NXN: variants seen among roughly 807,000 people sequenced by gnomAD.
The protein encoded by NXN is nucleoredoxin 1.
NXN carries 16 observed loss-of-function variants against 48.6 expected under a neutral mutation model. The observed-to-expected ratio is 0.33, with a 90% CI of 0.22 to 0.50. The LOEUF is 0.50. NXN is among the 20% of genes least tolerant of loss of function. The pLI, the probability that NXN is intolerant of heterozygous loss-of-function variation, is 0.98. For missense variants in NXN, 492 were observed against 605.5 expected, an observed-to-expected ratio of 0.81 and a Z score of 1.97; for synonymous variants, 281 against 269.6, an observed-to-expected ratio of 1.04 and a Z score of -0.41.
At chr17:979,110 G>GGC (rs2069500341) in intron 1 of NXN, among the ~76,000 whole-genome samples, 2 of 21,144 alleles carry the variant, frequency 9.5e-5, no homozygotes, top group South Asian at 2.2e-3. Flanking sequence ...AGCGCGGAAG[G>GGC]GGGGGGGGCA....
At chr17:929,112 C>T (rs2068828821) in intron 1 of NXN, among the ~76,000 whole-genome samples, 2 of 152,186 alleles carry the variant, frequency 1.3e-5, no homozygotes, top group African/African-American at 4.8e-5. Flanking sequence ...TAACTAGCTT[C>T]ACATAAAAAC....
At chr17:947,995 G>C (rs1033163824) in intron 1 of NXN, among the ~76,000 whole-genome samples, 1 of 151,908 alleles carries the variant, frequency 6.6e-6, no homozygotes, top group Non-Finnish European at 1.5e-5. Flanking sequence ...AGGTTGCAGT[G>C]AGCAGAGATG....
intron 1 of NXN, among the ~76,000 whole-genome samples, chr17:860,946 T>G (rs1350036836): frequency 6.6e-6 from 1 of 152,204 alleles, no homozygotes; most frequent in Non-Finnish European, 1.5e-5. Context: ...AAAGAAAGTT[T>G]GAACTTGACT....
At chr17:828,443 C>G (rs932052397) in intron 1 of NXN, among the ~76,000 whole-genome samples, 1 of 147,488 alleles carries the variant, frequency 6.8e-6, no homozygotes, top group Admixed American at 6.9e-5. Context: ...ACTCTGTCAC[C>G]CAGGCTAGAG....
In NXN at chr17:979,772, A is replaced by T; in HGVS notation, c.-94T>A. ...GCGGCGTCGGCGGCAGGCGCTGGGG[A>T]GAGCAGAGCCCGGCCCAGTAGGGCC... On this transcript the variant is annotated 5_prime_UTR_variant, in exon 1 of 8. Transcript: ENST00000336868. The T allele has an allele frequency of 9.3e-7, 1 of 1,080,350 alleles. No homozygotes were observed. The highest frequency in any genetic ancestry group is 3.0e-5 in the South Asian group (1 of 33,566). 66.9% of individuals were successfully genotyped at this position (1,080,350 alleles called of 1,614,324 possible). A position where few individuals can be genotyped will look rare whatever the true frequency, so the allele number is the denominator to read the frequency against.
chr17:869,999 G>A (rs892054483), intron 1 of NXN, among the ~76,000 whole-genome samples: 12 of 152,242 alleles, frequency 7.9e-5, no homozygotes, highest in Middle Eastern at 3.4e-3. Flanking sequence ...TGCTTCCCAC[G>A]GGCCATTTAG....
chr17:970,645 T>C (rs2069364494), intron 1 of NXN, among the ~76,000 whole-genome samples: 1 of 152,100 alleles, frequency 6.6e-6, no homozygotes, highest in South Asian at 2.1e-4. Flanking sequence ...TGCGGAACGT[T>C]TGATGTGAGT....
At chr17:829,871 T>C (rs1006830194) in intron 1 of NXN, among the ~76,000 whole-genome samples, 7 of 152,218 alleles carry the variant, frequency 4.6e-5, no homozygotes, top group Admixed American at 1.3e-4. Context: ...CAGTCTATCA[T>C]TGATGGGCAT....
intron 1 of NXN, among the ~76,000 whole-genome samples, chr17:936,304 T>C (rs1025557057): frequency 1.3e-5 from 2 of 152,042 alleles, no homozygotes. Flanking sequence ...CCTTTGGTTT[T>C]GCTTTGTGTT....
intron 1 of NXN, among the ~76,000 whole-genome samples, chr17:939,727 G>A (rs368889949): frequency 5.8e-4 from 89 of 152,290 alleles, no homozygotes; most frequent in African/African-American, 2.0e-3. Flanking sequence ...ACACACGTAC[G>A]TGCCTACATA....
rs2586285 is a variant in NXN at position 958,718 on chromosome 17, T to C, written c.360+20601A>G. On this transcript the variant is annotated intron_variant, in intron 1 of 7. Coordinates refer to ENST00000336868, the MANE Select transcript of NXN (RefSeq NM_022463.5). This position sits in a 1 kb window ranked among gnomAD's most constrained non-coding sequence, Gnocchi z 6.9. The stretch of plus-strand genomic sequence containing the variant: ...CGGAGGTAGAAGTGAGCCCAGATTG[T>C]GCCACTGAACTCCAGCACAGGCGAC... 0.85 allele frequency among the ~76,000 whole-genome samples: 129,523 copies of C among 151,838 alleles called. 57,615 individuals are homozygous for C. Among genetic ancestry groups the C allele is most frequent in the Non-Finnish European group, 0.97 (66,020 of 67,968 alleles).
chr17:810,293 C>CGTTACAAGTCTGTGAGTGGTGTGCAT (rs1911901495), intron 5 of NXN, among the ~76,000 whole-genome samples: 1 of 83,766 alleles, frequency 1.2e-5, no homozygotes. Context: ...GTGGCGTGCA[C>CGTTACAAGTCTGTGAGTGGTGTGCAT]GTTACGAGTC....
intron 1 of NXN, among the ~76,000 whole-genome samples, chr17:935,961 G>A (rs1408921131): frequency 1.3e-5 from 2 of 152,048 alleles, no homozygotes; most frequent in Admixed American, 1.3e-4. Flanking sequence ...ATGTGGTGGT[G>A]CATGCTTGTA....
rs1425645521 is a variant in NXN, at chr17:849,762, C to T, written c.361-23684G>A. Among the ~76,000 whole-genome samples the T allele has an allele frequency of 6.6e-6, 1 of 152,140 alleles. No individual in the cohort carries two copies. The highest frequency in any genetic ancestry group is 2.4e-5 in the African/African-American group (1 of 41,422). ...AAGAGCTGACAGTGGAGGTGAGAAC[C>T]ATAAACTCACGTCAAGGGCAGGCAG... On this transcript the variant is annotated intron_variant, in intron 1 of 7. Coordinates refer to ENST00000336868, the MANE Select transcript of NXN (RefSeq NM_022463.5). The surrounding 1 kb of genome is among the most constrained non-coding windows in gnomAD (Gnocchi z 4.2).
At chr17:925,704 T>C (rs1188782376) in intron 1 of NXN, among the ~76,000 whole-genome samples, 6 of 152,138 alleles carry the variant, frequency 3.9e-5, no homozygotes, top group Non-Finnish European at 8.8e-5. Context: ...TCTGTGGTGG[T>C]TGTTGCTGCT....
chr17:957,946 G>C lies in NXN; in HGVS notation c.360+21373C>G, dbSNP rs140853283. ...GTATGTTCCTGGGGCTCTGCCAAGG[G>C]AACCTCTGTTTTCCTCACAGAACGT... On this transcript the variant is annotated intron_variant, in intron 1 of 7. Coordinates refer to ENST00000336868, the MANE Select transcript of NXN (RefSeq NM_022463.5). Among the ~76,000 whole-genome samples, 703 of 152,210 alleles carry C rather than the reference G, an allele frequency of 4.6e-3. 4 individuals are homozygous for C. Among genetic ancestry groups the C allele is most frequent in the Non-Finnish European group, 5.1e-3 (344 of 68,020 alleles).
At chr17:845,389 G>A (rs2067849002) in intron 1 of NXN, among the ~76,000 whole-genome samples, 1 of 151,230 alleles carries the variant, frequency 6.6e-6, no homozygotes, top group Admixed American at 6.6e-5. Context: ...CACCCTTATG[G>A]ACTCAACATC....
intron 1 of NXN, among the ~76,000 whole-genome samples, chr17:879,183 G>A (rs1451585810): frequency 6.6e-6 from 1 of 152,024 alleles, no homozygotes; most frequent in Non-Finnish European, 1.5e-5. Context: ...ACAACAAGTA[G>A]ACAGAGAGGG....
At chr17:922,806 C>T (rs1044744942) in intron 1 of NXN, among the ~76,000 whole-genome samples, 3 of 148,290 alleles carry the variant, frequency 2.0e-5, no homozygotes, top group African/African-American at 7.3e-5. Context: ...TGCCCGCCAC[C>T]ACACCCGGCT....
Sources: gnomAD v4.1 joint callset for allele counts (sites outside exome capture counted in the v4.1 genomes callset) on GRCh38, gnomAD v4.1.1 for gene constraint, Gnocchi (gnomAD v3.1) non-coding constraint, MANE v1.5 for transcripts, NCBI Gene and HGNC (gene_info 2026-07-23, HGNC 2026-07-21) for gene names.